The following ARHGAP21 variants were observed in gnomAD, a reference collection of about 807,000 sequenced individuals.
ARHGAP21 encodes the protein Rho GTPase activating protein 21, also known as rho GTPase-activating protein 21.
A neutral mutation model predicts 164.6 loss-of-function variants in ARHGAP21; 38 were observed. That is an observed-to-expected ratio of 0.23 (90% CI 0.18 to 0.30). The LOEUF is 0.30. Among genes scored for constraint, ARHGAP21 ranks in the 10% least tolerant of loss-of-function variants. The pLI is 1.00. For missense variants in ARHGAP21, 1,822 were observed against 2,370.7 expected (o/e 0.77, Z 4.81); for synonymous variants, 766 against 857.9 (o/e 0.89, Z 1.87).
chr10:24,656,517 T>G (rs1274730577), intron 4 of ARHGAP21, among the ~76,000 whole-genome samples: 138 of 33,438 alleles, frequency 4.1e-3, no homozygotes, highest in East Asian at 0.011. Context: ...GGAGGGAGGT[T>G]GGGGGGTCAG....
intron 8 of ARHGAP21, among the ~76,000 whole-genome samples, chr10:24,622,433 C>CATATAAATATATAT (rs1834641784): frequency 2.2e-5 from 2 of 89,766 alleles, no homozygotes; most frequent in African/African-American, 8.1e-5. Flanking sequence ...ACTTAAAAAA[C>CATATAAATATATAT]ATATATATAT....
chr10:24,644,194 A>G (rs966021931), intron 4 of ARHGAP21, among the ~76,000 whole-genome samples: 4 of 152,100 alleles, frequency 2.6e-5, no homozygotes, highest in Non-Finnish European at 5.9e-5. Flanking sequence ...CCTTGCCACC[A>G]TAATTCTCTC....
chr10:24,642,701 G>A (rs576003257), intron 4 of ARHGAP21, among the ~76,000 whole-genome samples: 1 of 152,094 alleles, frequency 6.6e-6, no homozygotes, highest in African/African-American at 2.4e-5. Flanking sequence ...AGCCCCAAAG[G>A]CTATGAAATA....
chr10:24,649,014 T>G (rs1271491218), intron 4 of ARHGAP21, among the ~76,000 whole-genome samples: 6 of 152,210 alleles, frequency 3.9e-5, no homozygotes, highest in African/African-American at 1.4e-4. Flanking sequence ...TACCTTTGTG[T>G]GTGCTTATGT....
chr10:24,602,449 G>A (rs1037398236), intron 12 of ARHGAP21, among the ~76,000 whole-genome samples: 1 of 152,192 alleles, frequency 6.6e-6, no homozygotes, highest in African/African-American at 2.4e-5. Context: ...CTGGTGATGA[G>A]GTGGCAGGGC....
chr10:24,703,015 G>A (rs895051586), intron 2 of ARHGAP21, among the ~76,000 whole-genome samples: 2 of 152,010 alleles, frequency 1.3e-5, no homozygotes, highest in African/African-American at 4.8e-5. Context: ...ATATTATAGT[G>A]TATAATATTA....
chr10:24,589,113 C>A (rs9663520), intron 25 of ARHGAP21, among the ~76,000 whole-genome samples, 158 bp downstream of exon 25: 74,585 of 151,824 alleles, frequency 0.49, 18,581 homozygotes, highest in Middle Eastern at 0.54. Context: ...ATCTAGTATT[C>A]TTCTTATCAT....
rs377439736 is a variant in ARHGAP21, at chr10:24,584,722, T to A, written c.5567A>T (p.Glu1856Val). The A allele has an allele frequency of 1.2e-6, 2 of 1,613,936 alleles. No homozygotes were observed. The highest frequency in any genetic ancestry group is 1.7e-5 in the Admixed American group (1 of 60,014). The change falls in exon 26 of 26, where the codon GAA (glutamate) becomes GTA (valine). Residue 1856 changes from glutamate (E) to valine (V), a missense_variant. Glu to Val is a moderately radical substitution (Grantham distance 121). This residue lies in a region of ARHGAP21 where 165 missense variants were observed against 176.6 expected (regional missense o/e 0.93). Transcript: ENST00000396432. ...GTCAGAGGTACTGGTGCGTAGGCGT[T>A]CCCTGGCCAGCCAGTCTGAGATGGA... ...DLSISDWLAR[E>V]RLRTSTSDLS... is the part of the protein sequence containing the mutation.
chr10:24,652,131 C>T (rs1838238049), intron 4 of ARHGAP21, among the ~76,000 whole-genome samples: 4 of 151,988 alleles, frequency 2.6e-5, no homozygotes, highest in Admixed American at 2.6e-4. Context: ...CTATTCTTAG[C>T]TTGGAGGCTG....
chr10:24,625,305 A>C (rs1350411883), intron 7 of ARHGAP21, among the ~76,000 whole-genome samples: 3 of 149,718 alleles, frequency 2.0e-5, no homozygotes, highest in Non-Finnish European at 4.5e-5. Flanking sequence ...CAGAGAAAAA[A>C]AAAAAAAAAA....
At chr10:24,607,377 T>C (rs1428713192) in intron 11 of ARHGAP21, 122 bp downstream of exon 11, 1 of 807,994 alleles carries the variant, frequency 1.2e-6, no homozygotes, top group Admixed American at 2.9e-5. Flanking sequence ...CTTTATTTAT[T>C]TGCATTTCTA....
Position 24,661,419 on chromosome 10 carries a change from G to A in ARHGAP21, c.268+5566C>T, listed in dbSNP as rs1426617477. 5.9e-5 allele frequency among the ~76,000 whole-genome samples: 9 copies of A among 152,160 alleles called. No homozygotes were observed. The South Asian group carries it at 1.9e-3, about 32-fold the overall frequency. On this transcript the variant is annotated intron_variant, in intron 4 of 25. Coordinates refer to ENST00000396432, the MANE Select transcript of ARHGAP21 (RefSeq NM_020824.4). ...AAGTAAAATAATCAGAAAATTAAAT[G>A]GCTCGGTATTTCTTGGTTGATAAGA...
chr10:24,718,391 C>T (rs1845609698), intron 2 of ARHGAP21, among the ~76,000 whole-genome samples: 1 of 151,954 alleles, frequency 6.6e-6, no homozygotes, highest in African/African-American at 2.4e-5. Context: ...GGGGTAGATA[C>T]GGAGTCACCA....
intron 4 of ARHGAP21, among the ~76,000 whole-genome samples, chr10:24,653,818 TAAC>T (rs1471052146): frequency 2.0e-5 from 3 of 152,150 alleles, no homozygotes; most frequent in Non-Finnish European, 2.9e-5. Context: ...AAAATGTTTT[TAAC>T]AACAAGAGCA....
At chr10:24,591,585 A>G in intron 23 of ARHGAP21, 57 bp downstream of exon 23, 1 of 1,590,968 alleles carries the variant, frequency 6.3e-7, no homozygotes, top group Non-Finnish European at 8.6e-7. Context: ...TTGGCGCGCC[A>G]GGATCTTGTG....
At chr10:24,642,365 A>G (rs894380510) in intron 4 of ARHGAP21, among the ~76,000 whole-genome samples, 2 of 151,752 alleles carry the variant, frequency 1.3e-5, no homozygotes. Context: ...AATACAAAAA[A>G]TTAGCCGGGC....
intron 4 of ARHGAP21, among the ~76,000 whole-genome samples, chr10:24,665,092 G>C (rs1180927690): frequency 6.6e-6 from 1 of 152,154 alleles, no homozygotes; most frequent in East Asian, 1.9e-4. Flanking sequence ...TGGGAAGATG[G>C]AGTACCTACA....
intron 9 of ARHGAP21, among the ~76,000 whole-genome samples, chr10:24,614,796 A>AAC (rs2077408091): frequency 6.6e-6 from 1 of 151,668 alleles, no homozygotes; most frequent in Non-Finnish European, 1.5e-5. Context: ...AAAAAAAAAA[A>AAC]AATGCGGCTA....
At chr10:24,601,657 A>G (rs369813490) in intron 13 of ARHGAP21, among the ~76,000 whole-genome samples, 5 of 152,218 alleles carry the variant, frequency 3.3e-5, no homozygotes, top group African/African-American at 1.2e-4. Context: ...CCTAAAGGAC[A>G]ACGGAATAAC....
Sources: allele counts gnomAD v4.1 joint callset (sites outside exome capture counted in the v4.1 genomes callset), GRCh38; gene constraint gnomAD v4.1.1; regional missense constraint gnomAD v4.1.1; transcripts MANE v1.5; gene names NCBI Gene and HGNC (gene_info 2026-07-23, HGNC 2026-07-21).